The following SFTPC variants were observed in gnomAD, a reference collection of about 807,000 sequenced individuals.
The protein encoded by SFTPC is BRICHOS domain containing 6.
In SFTPC, 12 loss-of-function variants were observed where a neutral mutation model predicts 19.9. The ratio of observed to expected loss-of-function variants is 0.60; its 90% CI spans 0.39 to 0.98. The LOEUF (loss-of-function observed/expected upper bound fraction) is 0.98. Ranked by LOEUF, SFTPC falls within the 50% of genes least tolerant of loss-of-function variation. The pLI is 0.00. For synonymous variants in SFTPC, 123 were observed against 103.3 expected (o/e 1.19, Z -1.16); for missense variants, 219 against 252.2 (o/e 0.87, Z 0.89).
At chr8:22,161,412 G>A (rs1236321362), upstream of SFTPC, among the ~76,000 whole-genome samples, 1 of 152,188 alleles carries the variant, frequency 6.6e-6, no homozygotes, top group African/African-American at 2.4e-5. Context: ...AAATTCTGCT[G>A]GGAAATATGA....
intron 2 of SFTPC, 25 bp downstream of exon 2, chr8:22,162,757 G>A (rs1362684420): frequency 6.2e-7 from 1 of 1,613,764 alleles, no homozygotes; most frequent in South Asian, 1.1e-5. Context: ...ATGCACAGCA[G>A]TGGGCACAGG....
In SFTPC at chr8:22,162,681, T is replaced by G. The variant is rs768981838; in HGVS notation, c.150T>G (p.Ile50Met). 7.4e-6 allele frequency: 12 copies of G among 1,614,108 alleles called. No individual in the cohort carries two copies. The African/African-American group carries it at 1.6e-4, about 22-fold the overall frequency. ...VVVVVLIVVV[I>M]VGALLMGLHM... is the part of the protein sequence containing the mutation. ...TGGTGGTCCTCATCGTCGTGGTGAT[T>G]GTGGGAGCCCTGCTCATGGGTCTCC... Residue 50 changes from isoleucine to methionine, a missense_variant, in exon 2 of 6, where the codon ATT becomes ATG. Transcript: ENST00000679463.
intron 1 of SFTPC, among the ~76,000 whole-genome samples, chr8:22,162,301 G>A (rs554688089): frequency 6.6e-6 from 1 of 152,248 alleles, no homozygotes; most frequent in East Asian, 1.9e-4. Context: ...CCATGGCTGG[G>A]GGAAGCAGCA....
upstream of SFTPC, chr8:22,157,649 T>A (rs1827550417): frequency 6.6e-6 from 1 of 152,214 alleles, no homozygotes; most frequent in African/African-American, 2.4e-5. Context: ...CCGGGGGTCC[T>A]TGAGAACCTT....
At chr8:22,161,923 T>G (rs1317408262) in intron 1 of SFTPC, 53 bp downstream of exon 1, 1 of 1,565,952 alleles carries the variant, frequency 6.4e-7, no homozygotes, top group African/African-American at 1.4e-5. Context: ...ATGTGTGTGA[T>G]GGGCCCTGCC....
Position 22,163,965 on chromosome 8 carries a change from C to A in SFTPC, c.500C>A (p.Pro167His). 1 of 1,613,296 alleles carries A rather than the reference C, an allele frequency of 6.2e-7. No individual in the cohort carries two copies. Among genetic ancestry groups the A allele is most frequent in the Non-Finnish European group, 8.5e-7 (1 of 1,180,036 alleles). Residue 167 changes from proline to histidine, a missense_variant, in exon 5 of 6, where the codon CCC (proline) becomes CAC (histidine). By Grantham distance (77) the Pro-to-His change is moderately conservative (BLOSUM62 -2). Transcript: ENST00000679463. ...QAEGRDAGSA[P>H]SGGDPAFLGM... ...GAGGGGCGAGATGCAGGCTCAGCAC[C>A]CTCCGGAGGGGACCCGGCCTTCCTG...
intron 1 of SFTPC, among the ~76,000 whole-genome samples, chr8:22,162,175 C>G (rs903388552): frequency 6.6e-6 from 1 of 152,076 alleles, no homozygotes; most frequent in African/African-American, 2.4e-5. Flanking sequence ...CACATACGAG[C>G]TGGAGCCAGA....
rs752201591 is a variant in SFTPC, at chr8:22,162,582, C to T, written c.51C>T (p.Ser17=). 37 of 1,613,698 alleles carry T rather than the reference C, an allele frequency of 2.3e-5. No individual in the cohort carries two copies. Among genetic ancestry groups the T allele is most frequent in the East Asian group, 1.8e-4 (8 of 44,896 alleles). ...EVLMESPPDY[S]AAPRGRFGIP... ...CTGCCCCACCGTGTCAGGACTACTC[C>T]GCAGCTCCCCGGGGCCGATTTGGCA... Residue 17 remains serine, a synonymous_variant, in exon 2 of 6, where the codon TCC becomes TCT. Coordinates refer to ENST00000679463, the MANE Select transcript of SFTPC (RefSeq NM_001317778.2).
upstream of SFTPC, chr8:22,159,580 C>A (rs952363770): frequency 2.6e-6 from 1 of 379,542 alleles, no homozygotes; most frequent in Non-Finnish European, 5.1e-6. Flanking sequence ...GGAGAAGAAG[C>A]AGCAGCAGCA....
rs1001062901 is a variant in SFTPC, at chr8:22,164,169, G to T, written c.*19-97G>T. On this transcript the variant is annotated intron_variant, in intron 5 of 5. Transcript: ENST00000679463. Reference sequence around the variant, plus strand: ...GCGCTGGGGCGTCCACTGAAGCGGGGTCATCCAGGCAACTCGGGGGAGGGG... The same window carrying T: ...GCGCTGGGGCGTCCACTGAAGCGGGTTCATCCAGGCAACTCGGGGGAGGGG... 4 of 1,544,448 alleles carry T rather than the reference G, an allele frequency of 2.6e-6. No homozygotes were observed. The African/African-American group carries it at 5.5e-5, about 21-fold the overall frequency.
At chr8:22,162,494 G>T in intron 1 of SFTPC, 80 bp from the exon 2 acceptor site, 3 of 1,509,554 alleles carry the variant, frequency 2.0e-6, no homozygotes, top group Non-Finnish European at 2.8e-6. Flanking sequence ...AGCCGTGGGA[G>T]GGTGTTCAGC....
In SFTPC at chr8:22,164,352, C is replaced by T. The variant is rs1563227127; in HGVS notation, c.*105C>T. 4 of 1,535,970 alleles carry T rather than the reference C, an allele frequency of 2.6e-6. No individual in the cohort carries two copies. The East Asian group carries it at 7.3e-5, about 28-fold the overall frequency. ...GCAGACGGGCAAGAAGCTGCTTCTG[C>T]CCACACCGCAGGGACAAGCCCTGGA... On this transcript the variant is annotated 3_prime_UTR_variant, in exon 6 of 6. Transcript: ENST00000679463.
Position 22,161,884 on chromosome 8 carries a change from C to A in SFTPC, c.42+14C>A, listed in dbSNP as rs375113623. 3 of 1,613,230 alleles carry A rather than the reference C, an allele frequency of 1.9e-6. No homozygotes were observed. Among genetic ancestry groups the A allele is most frequent in the African/African-American group, 2.7e-5 (2 of 74,888 alleles). Reference sequence around the variant, plus strand: ...GAGAGCCCGCCGGTGAGTGTGGTTGCGTGTGTGTATGTATGTGTGCGCGCG... The same window carrying A: ...GAGAGCCCGCCGGTGAGTGTGGTTGAGTGTGTGTATGTATGTGTGCGCGCG... On this transcript the variant is annotated intron_variant, in intron 1 of 5. Transcript: ENST00000679463.
chr8:22,162,507 G>C, intron 1 of SFTPC, 67 bp from the exon 2 acceptor site: 2 of 1,574,864 alleles, frequency 1.3e-6, no homozygotes, highest in African/African-American at 1.4e-5. Context: ...TGTTCAGCTT[G>C]TATAGGGAGA....
At chr8:22,160,428 T>C (rs1323960243), upstream of SFTPC, among the ~76,000 whole-genome samples, 4 of 152,154 alleles carry the variant, frequency 2.6e-5, no homozygotes. Context: ...CTGGGCAACA[T>C]GGTGAAAACT....
At chr8:22,164,133 G>C (rs1827928602) in intron 5 of SFTPC, 74 bp downstream of exon 5, 1 of 1,587,750 alleles carries the variant, frequency 6.3e-7, no homozygotes, top group Non-Finnish European at 8.6e-7. Flanking sequence ...AGGAGCGCTC[G>C]CGCTGACCAG....
At chr8:22,162,945 C>G in intron 2 of SFTPC, 135 bp from the exon 3 acceptor site, 2 of 1,410,120 alleles carry the variant, frequency 1.4e-6, no homozygotes, top group Admixed American at 1.7e-5. Flanking sequence ...CCTCCAGCAC[C>G]TGGTTCCACT....
chr8:22,160,635 C>T (rs1827678662), upstream of SFTPC, among the ~76,000 whole-genome samples: 1 of 151,964 alleles, frequency 6.6e-6, no homozygotes, highest in Non-Finnish European at 1.5e-5. Flanking sequence ...CAAAACAAAA[C>T]AAAAGGATAG....
chr8:22,162,466 G>A (rs1383159880), intron 1 of SFTPC, 108 bp from the exon 2 acceptor site: 22 of 1,255,674 alleles, frequency 1.8e-5, no homozygotes, highest in East Asian at 1.2e-4. Context: ...CCATCGCATC[G>A]GCTGTCCAGC....
Sources: allele counts gnomAD v4.1 joint callset (sites outside exome capture counted in the v4.1 genomes callset), GRCh38; gene constraint gnomAD v4.1.1; transcripts MANE v1.5; gene names NCBI Gene and HGNC (gene_info 2026-07-23, HGNC 2026-07-21).